Variants in NHSL2 observed in about 807,000 individuals in gnomAD.
The protein encoded by NHSL2 is NHS like 2.
A neutral mutation model predicts 53.4 loss-of-function variants in NHSL2; 27 were observed. The ratio of observed to expected loss-of-function variants is 0.51; its 90% CI spans 0.37 to 0.70. The LOEUF (loss-of-function observed/expected upper bound fraction) is 0.70. Ranked by LOEUF, NHSL2 falls within the 30% of genes least tolerant of loss-of-function variation. The pLI, the probability that NHSL2 is intolerant of heterozygous loss-of-function variation, is 0.00. For missense variants in NHSL2, 892 were observed against 980.1 expected (o/e 0.91, Z 1.20); for synonymous variants, 408 against 404.1 (o/e 1.01, Z -0.12).
intron 1 of NHSL2, chrX:72,129,176 G>A (rs2042257380): frequency 8.8e-6 from 1 of 113,154 alleles, no homozygotes; most frequent in African/African-American, 3.2e-5. Flanking sequence ...AGTCAGTCAA[G>A]GGCAAATCTC....
chrX:72,106,065 C>T (rs1406821813), intron 1 of NHSL2, among the ~76,000 whole-genome samples: 3 of 110,934 alleles, frequency 2.7e-5, no homozygotes, highest in South Asian at 7.7e-4. Context: ...AAACATTAGC[C>T]GGGCGAGGTG....
chrX:72,043,150 C>G (rs776148240), intron 1 of NHSL2, among the ~76,000 whole-genome samples: 2 of 111,164 alleles, frequency 1.8e-5, no homozygotes, highest in African/African-American at 6.6e-5. Context: ...TTGTGAGTCT[C>G]AACTCCTGCA....
At chrX:71,976,189 A>G (rs906791321) in intron 1 of NHSL2, among the ~76,000 whole-genome samples, 17 of 111,975 alleles carry the variant, frequency 1.5e-4, no homozygotes, top group Admixed American at 1.5e-3. Flanking sequence ...CCTCAAAATA[A>G]CAGAGTCTTG....
chrX:72,030,323 C>T (rs1450428394), intron 1 of NHSL2, among the ~76,000 whole-genome samples: 1 of 112,478 alleles, frequency 8.9e-6, no homozygotes, highest in Admixed American at 9.4e-5. Context: ...CTGATCAATA[C>T]CACTGGGGTT....
intron 1 of NHSL2, among the ~76,000 whole-genome samples, chrX:72,033,376 G>A (rs750072002): frequency 4.6e-4 from 51 of 110,594 alleles, no homozygotes; most frequent in Non-Finnish European, 8.5e-4. Context: ...TAGTAGAGAT[G>A]GGGTTTCACC....
Position 72,146,478 on chromosome X carries a change from A to C in NHSL2, c.*2904A>C, listed in dbSNP as rs2042464907. The C allele has an allele frequency of 8.9e-6, 1 of 112,175 alleles. No individual in the cohort carries two copies. Among genetic ancestry groups the C allele is most frequent in the Non-Finnish European group, 1.9e-5 (1 of 53,249 alleles). The allele number at this position is 112,175 out of a possible 1,213,427, so 9.2% of individuals were successfully genotyped here. A position where few individuals can be genotyped will look rare whatever the true frequency, so the allele number is the denominator to read the frequency against. ...AGAACCCACCACTACTACAATTACT[A>C]GTATAAATAATAATGATAATAATTT... is the stretch of plus-strand genomic sequence containing the variant. On this transcript the variant is annotated 3_prime_UTR_variant, in exon 8 of 8. Transcript: ENST00000633930.
intron 1 of NHSL2, among the ~76,000 whole-genome samples, chrX:72,052,836 C>G (rs1286703078): frequency 1.8e-5 from 2 of 111,818 alleles, no homozygotes; most frequent in African/African-American, 3.3e-5. Context: ...TCTGCTCCCC[C>G]CAGCCCCTCT....
chrX:72,027,017 GTGTT>G (rs770876841), intron 1 of NHSL2, among the ~76,000 whole-genome samples: 1 of 112,542 alleles, frequency 8.9e-6, no homozygotes, highest in Admixed American at 9.4e-5. Context: ...AAGGGAAACT[GTGTT>G]TGAGAGGAGA....
intron 1 of NHSL2, among the ~76,000 whole-genome samples, chrX:72,109,550 A>G (rs998999137): frequency 1.8e-5 from 2 of 111,387 alleles, no homozygotes; most frequent in Non-Finnish European, 3.8e-5. Context: ...GCTCACTGCA[A>G]CCTCCGCCTC....
Position 72,114,156 on chromosome X carries a change from A to G in NHSL2, c.281-17923A>G, listed in dbSNP as rs139554674. Among the ~76,000 whole-genome samples, 461 of 112,577 alleles carry G rather than the reference A, an allele frequency of 4.1e-3. 3 individuals carry two copies. Among genetic ancestry groups the G allele is most frequent in the Admixed American group, 6.5e-3 (69 of 10,652 alleles). The stretch of plus-strand genomic sequence containing the variant: ...TCAGCCGTGGTTGCCTCTGGTGTGT[A>G]GGATTATGAATGTTCTTTCCCTCTT... On this transcript the variant is annotated intron_variant, in intron 1 of 7. Transcript: ENST00000633930.
chrX:72,012,261 G>T (rs578081569), intron 1 of NHSL2, among the ~76,000 whole-genome samples: 1 of 111,538 alleles, frequency 9.0e-6, no homozygotes, highest in African/African-American at 3.3e-5. Context: ...TTAAGTTTCT[G>T]ATCCATTTTG....
In NHSL2 at chrX:71,912,075, C is replaced by T. The variant is rs59203931; in HGVS notation, c.280+708C>T. ...CTGGCTGTTATTTGCTGGAGAGAAT[C>T]ATTTAAAGAAACTATCATCAGTTTC... On this transcript the variant is annotated intron_variant, in intron 1 of 7. Coordinates refer to ENST00000633930, the MANE Select transcript of NHSL2 (RefSeq NM_001013627.3). Among the ~76,000 whole-genome samples, 290 of 112,504 alleles carry T rather than the reference C, an allele frequency of 2.6e-3. 2 individuals carry two copies. Among genetic ancestry groups the T allele is most frequent in the African/African-American group, 8.9e-3 (277 of 30,972 alleles).
chrX:72,141,132 A>G (rs1387244583), intron 6 of NHSL2: 2 of 137,618 alleles, frequency 1.5e-5, no homozygotes, highest in Non-Finnish European at 3.2e-5. Flanking sequence ...ACTGTACAGT[A>G]CTTTTCATTG....
At chrX:71,928,125 A>G (rs1317518413) in intron 1 of NHSL2, among the ~76,000 whole-genome samples, 1 of 112,602 alleles carries the variant, frequency 8.9e-6, no homozygotes, top group African/African-American at 3.2e-5. Flanking sequence ...TAGATGAAGA[A>G]ATCCAGGCAT....
chrX:72,065,991 C>G (rs1200159513), intron 1 of NHSL2, among the ~76,000 whole-genome samples: 1 of 112,056 alleles, frequency 8.9e-6, no homozygotes, highest in Non-Finnish European at 1.9e-5. Context: ...ACACTTTAGA[C>G]AACAAATCAT....
intron 1 of NHSL2, among the ~76,000 whole-genome samples, chrX:72,039,630 C>A (rs889148109): frequency 8.9e-6 from 1 of 111,794 alleles, no homozygotes; most frequent in African/African-American, 3.3e-5. Flanking sequence ...AGGTCAGCTG[C>A]GTCCTGTGTG....
At chrX:71,925,107 C>T (rs776510019) in intron 1 of NHSL2, among the ~76,000 whole-genome samples, 1 of 112,229 alleles carries the variant, frequency 8.9e-6, no homozygotes, top group South Asian at 3.7e-4. Context: ...TCTAATAAAT[C>T]CGCTATATTA....
At chrX:71,983,636 GA>G (rs1263651903) in intron 1 of NHSL2, among the ~76,000 whole-genome samples, 4 of 109,476 alleles carry the variant, frequency 3.7e-5, no homozygotes, top group African/African-American at 1.3e-4. Flanking sequence ...ACTGTTAAAG[GA>G]AAAAAAAGGA....
intron 1 of NHSL2, chrX:72,069,769 C>G (rs889034177): frequency 2.3e-6 from 2 of 861,165 alleles, no homozygotes; most frequent in African/African-American, 4.2e-5. Flanking sequence ...CTTTTCCCTT[C>G]CCTCCTTTTC....
Sources: gnomAD v4.1 joint callset for allele counts (sites outside exome capture counted in the v4.1 genomes callset) on GRCh38, gnomAD v4.1.1 for gene constraint, MANE v1.5 for transcripts, NCBI Gene and HGNC (gene_info 2026-07-23, HGNC 2026-07-21) for gene names.